MACROD2: variants seen among roughly 807,000 people sequenced by gnomAD.
MACROD2 encodes ADP-ribose glycohydrolase MACROD2.
Under a neutral mutation model 70.4 loss-of-function variants are expected in MACROD2, and 36 were observed. The observed-to-expected ratio is 0.51, with a 90% CI of 0.39 to 0.68. The LOEUF (loss-of-function observed/expected upper bound fraction) is 0.68. MACROD2 is among the 30% of genes least tolerant of loss of function. MACROD2 has a pLI of 0.00. For missense variants in MACROD2, 496 were observed against 538.4 expected (o/e 0.92, Z 0.78); for synonymous variants, 172 against 178.8 (o/e 0.96, Z 0.30).
intron 3 of MACROD2, among the ~76,000 whole-genome samples, chr20:14,375,991 C>G (rs1277433031): frequency 1.3e-5 from 2 of 152,060 alleles, no homozygotes; most frequent in Non-Finnish European, 2.9e-5. Flanking sequence ...TGATTTTATT[C>G]TAAATGTAGA....
intron 5 of MACROD2, among the ~76,000 whole-genome samples, chr20:14,947,378 C>T (rs1171862638): frequency 1.3e-5 from 2 of 152,186 alleles, no homozygotes; most frequent in Non-Finnish European, 2.9e-5. Context: ...TGTGTATGCT[C>T]TGCAAACTAG....
chr20:14,595,729 A>G (rs1376087224), intron 4 of MACROD2, among the ~76,000 whole-genome samples: 1 of 152,144 alleles, frequency 6.6e-6, no homozygotes, highest in Non-Finnish European at 1.5e-5. Context: ...CTTACTACAC[A>G]TTGTCGAATT....
chr20:14,907,033 T>C (rs960389867), intron 5 of MACROD2, among the ~76,000 whole-genome samples: 5 of 152,130 alleles, frequency 3.3e-5, no homozygotes, highest in African/African-American at 1.2e-4. Flanking sequence ...CTGGACCAAA[T>C]TGCGGACTAG....
intron 5 of MACROD2, among the ~76,000 whole-genome samples, chr20:14,920,460 C>G (rs1296625504): frequency 1.3e-5 from 2 of 152,090 alleles, no homozygotes; most frequent in Non-Finnish European, 2.9e-5. Context: ...CGTTGGAAAT[C>G]TATTATGTAT....
chr20:15,423,404 G>A (rs950153782), intron 6 of MACROD2, among the ~76,000 whole-genome samples: 2 of 152,218 alleles, frequency 1.3e-5, no homozygotes, highest in Non-Finnish European at 2.9e-5. Context: ...ACATGCTCAA[G>A]TCTATCATCA....
At chr20:15,515,164 T>C (rs1357831111) in intron 8 of MACROD2, among the ~76,000 whole-genome samples, 1 of 152,238 alleles carries the variant, frequency 6.6e-6, no homozygotes, top group Non-Finnish European at 1.5e-5. Context: ...GACCTTTTAT[T>C]ATCCAGCCTG....
chr20:14,109,468 T>C (rs543096279), intron 3 of MACROD2, among the ~76,000 whole-genome samples: 1 of 151,884 alleles, frequency 6.6e-6, no homozygotes, highest in Middle Eastern at 3.4e-3. Context: ...AATAAAAAGT[T>C]TGGTTTTTGA....
intron 5 of MACROD2, among the ~76,000 whole-genome samples, chr20:15,036,201 T>C (rs917812300): frequency 1.3e-5 from 2 of 152,180 alleles, no homozygotes; most frequent in African/African-American, 4.8e-5. Context: ...ATACTCTTTT[T>C]TCGTGTTTAA....
chr20:14,651,453 A>G (rs1426417382), intron 4 of MACROD2, among the ~76,000 whole-genome samples: 2 of 152,192 alleles, frequency 1.3e-5, no homozygotes, highest in East Asian at 3.9e-4. Context: ...TGACTGGAAC[A>G]TATTTCCCAA....
chr20:15,699,172 C>T (rs2050419016), intron 8 of MACROD2, among the ~76,000 whole-genome samples: 1 of 152,034 alleles, frequency 6.6e-6, no homozygotes, highest in African/African-American at 2.4e-5. Flanking sequence ...GTCATATTAC[C>T]AGGGTTGGTT....
chr20:14,257,927 T>A (rs2082070957), intron 3 of MACROD2, among the ~76,000 whole-genome samples: 1 of 152,204 alleles, frequency 6.6e-6, no homozygotes, highest in Non-Finnish European at 1.5e-5. Context: ...TGTTTTGTCA[T>A]TCTTATGCCT....
chr20:15,086,999 T>C (rs887978256), intron 5 of MACROD2, among the ~76,000 whole-genome samples: 2 of 152,126 alleles, frequency 1.3e-5, no homozygotes, highest in Non-Finnish European at 2.9e-5. Context: ...ATGTAGAAAA[T>C]ACTTCCAAAA....
chr20:14,955,251 TATATA>T (rs1387826509), intron 5 of MACROD2, among the ~76,000 whole-genome samples: 70 of 138,462 alleles, frequency 5.1e-4, no homozygotes, highest in African/African-American at 1.1e-3. Context: ...ATATATAATT[TATATA>T]ATATAATATA....
chr20:14,965,023 A>G (rs1382842375), intron 5 of MACROD2, among the ~76,000 whole-genome samples: 3 of 152,208 alleles, frequency 2.0e-5, no homozygotes, highest in Non-Finnish European at 4.4e-5. Flanking sequence ...CAGAAAGATC[A>G]TTTTTCTGAA....
intron 2 of MACROD2, among the ~76,000 whole-genome samples, chr20:14,011,962 A>T (rs1216042573): frequency 6.6e-6 from 1 of 151,980 alleles, no homozygotes; most frequent in Non-Finnish European, 1.5e-5. Context: ...AGGCTGGGGT[A>T]CAGTGGCATG....
intron 5 of MACROD2, among the ~76,000 whole-genome samples, chr20:14,716,476 T>C (rs974763675): frequency 6.6e-6 from 1 of 152,210 alleles, no homozygotes; most frequent in Non-Finnish European, 1.5e-5. Context: ...CAGCCAATTC[T>C]TAATTCTTTC....
At chr20:14,197,479 G>A (rs556870580) in intron 3 of MACROD2, among the ~76,000 whole-genome samples, 1 of 152,300 alleles carries the variant, frequency 6.6e-6, no homozygotes, top group Admixed American at 6.5e-5. Context: ...AGACATTAAA[G>A]TAAAAGAAAC....
At chr20:14,186,782 C>A (rs911694129) in intron 3 of MACROD2, among the ~76,000 whole-genome samples, 4 of 152,152 alleles carry the variant, frequency 2.6e-5, no homozygotes, top group African/African-American at 9.7e-5. Context: ...AGAACAAGAT[C>A]ATGTCCTTTG....
intron 3 of MACROD2, among the ~76,000 whole-genome samples, chr20:14,362,054 AG>A (rs962838074): frequency 6.6e-6 from 1 of 152,250 alleles, no homozygotes; most frequent in African/African-American, 2.4e-5. Flanking sequence ...TTTGCCCAGT[AG>A]GCCAAGTGTC....
Sources: gnomAD v4.1 joint callset for allele counts (sites outside exome capture counted in the v4.1 genomes callset) on GRCh38, gnomAD v4.1.1 for gene constraint, MANE v1.5 for transcripts, NCBI Gene and HGNC (gene_info 2026-07-23, HGNC 2026-07-21) for gene names.